Variants in ADAMTSL1 observed in about 807,000 individuals in gnomAD.
The protein encoded by ADAMTSL1 is ADAMTS-like protein 1.
In ADAMTSL1, 126 loss-of-function variants were observed where a neutral mutation model predicts 201.8. The observed-to-expected ratio is 0.62, with a 90% CI of 0.54 to 0.72. The LOEUF is 0.72. Ranked by LOEUF, ADAMTSL1 falls within the 30% of genes least tolerant of loss-of-function variation. ADAMTSL1 has a pLI of 0.00. For synonymous variants in ADAMTSL1, 1,121 were observed against 903.4 expected (o/e 1.24, Z -4.32); for missense variants, 2,679 against 2,277.8 (o/e 1.18, Z -3.59).
intron 1 of ADAMTSL1, among the ~76,000 whole-genome samples, chr9:18,097,287 C>T (rs979771082): frequency 6.6e-6 from 1 of 152,178 alleles, no homozygotes; most frequent in African/African-American, 2.4e-5. Flanking sequence ...GCATATATTA[C>T]AATTTGTTGA....
At chr9:18,195,740 T>C (rs903160766) in intron 2 of ADAMTSL1, among the ~76,000 whole-genome samples, 3 of 152,134 alleles carry the variant, frequency 2.0e-5, no homozygotes, top group Non-Finnish European at 4.4e-5. Context: ...CTATTGGTAA[T>C]GGACATAAGA....
At position 18,650,254 on chromosome 9, in the gene ADAMTSL1, G is replaced by A. The variant is rs143528428; in HGVS notation, c.835-7385G>A. Among the ~76,000 whole-genome samples, 783 of 152,338 alleles carry A rather than the reference G, an allele frequency of 5.1e-3. 9 individuals carry two copies. The highest frequency in any genetic ancestry group is 0.018 in the African/African-American group (741 of 41,584). On this transcript the variant is annotated intron_variant, in intron 7 of 28. Transcript: ENST00000380548. ...CCTAAGCCCATCGGAAAAGTGCAGTGTTTGGGTGGGAGTGACCCGATTTTC... is the reference window on the plus strand; with the variant it reads ...CCTAAGCCCATCGGAAAAGTGCAGTATTTGGGTGGGAGTGACCCGATTTTC...
chr9:18,697,115 C>T (rs1439173060), intron 13 of ADAMTSL1, among the ~76,000 whole-genome samples: 1 of 151,840 alleles, frequency 6.6e-6, no homozygotes, highest in East Asian at 1.9e-4. Context: ...ATCTCTTGAC[C>T]TCGTGATCTG....
intron 1 of ADAMTSL1, among the ~76,000 whole-genome samples, chr9:17,936,788 T>C (rs988427546): frequency 6.6e-6 from 1 of 152,204 alleles, no homozygotes; most frequent in African/African-American, 2.4e-5. Flanking sequence ...GAAATTGGCC[T>C]GCTTTACTCC....
chr9:18,375,258 G>C (rs1443814988), intron 2 of ADAMTSL1, among the ~76,000 whole-genome samples: 1 of 152,212 alleles, frequency 6.6e-6, no homozygotes, highest in African/African-American at 2.4e-5. Flanking sequence ...TTAGAGGAAA[G>C]AGCCAGTCAT....
chr9:18,449,941 G>C (rs1820341925), intron 2 of ADAMTSL1, among the ~76,000 whole-genome samples: 1 of 152,174 alleles, frequency 6.6e-6, no homozygotes, highest in South Asian at 2.1e-4. Flanking sequence ...AAATGGGAGA[G>C]TGCTTCAGAA....
At chr9:18,054,472 T>A (rs965230855) in intron 1 of ADAMTSL1, among the ~76,000 whole-genome samples, 1 of 152,244 alleles carries the variant, frequency 6.6e-6, no homozygotes, top group Non-Finnish European at 1.5e-5. Flanking sequence ...CAGTTTCTGC[T>A]TTTCATTATT....
chr9:18,031,976 C>T (rs12553925), intron 1 of ADAMTSL1, among the ~76,000 whole-genome samples: 5,761 of 152,268 alleles, frequency 0.038, 342 homozygotes, highest in East Asian at 0.32. Flanking sequence ...TTTAGTCCAG[C>T]TGATGACTGT....
chr9:18,264,893 T>G (rs1049631931), intron 2 of ADAMTSL1, among the ~76,000 whole-genome samples: 2 of 152,244 alleles, frequency 1.3e-5, no homozygotes, highest in Non-Finnish European at 2.9e-5. Context: ...CAAGTGACTT[T>G]ACCTTGCCAA....
chr9:18,100,769 A>C (rs1222189956), intron 1 of ADAMTSL1, among the ~76,000 whole-genome samples: 1 of 152,128 alleles, frequency 6.6e-6, no homozygotes, highest in Non-Finnish European at 1.5e-5. Context: ...ATACCTTACC[A>C]GGATCTTGTT....
At position 18,753,419 on chromosome 9, in the gene ADAMTSL1, G is replaced by A. The variant is rs750369044; in HGVS notation, c.2128G>A (p.Glu710Lys). The A allele has an allele frequency of 6.8e-6, 11 of 1,613,230 alleles. No homozygotes were observed. The Admixed American group carries it at 8.3e-5, about 12-fold the overall frequency. The change falls in exon 16 of 29, where the codon GAG becomes AAG. Residue 710 changes from glutamate (E) to lysine (K), a missense_variant. Glu to Lys is a moderately conservative substitution (Grantham distance 56). Coordinates refer to ENST00000380548, the MANE Select transcript of ADAMTSL1 (RefSeq NM_001040272.6). ...EMNETVILAD[E>K]LCRQPKPSTV... ...GAATGAAACAGTCATCCTGGCTGAT[G>A]AGCTGTGTCGCCAGCCCAAGCCCAG...
rs1434901362 is a variant in ADAMTSL1 at position 18,775,790 on chromosome 9, C to T, written c.2445C>T (p.Cys815=). Reference sequence around the variant, plus strand: ...GCACCCAGACTCGAAGCGCCATTTGCCGAAAGATGCTGAAAACCGGCCTCT... The same window carrying T: ...GCACCCAGACTCGAAGCGCCATTTGTCGAAAGATGCTGAAAACCGGCCTCT... ...GEGTQTRSAI[C]RKMLKTGLST... The change falls in exon 18 of 29, where the codon TGC becomes TGT. Residue 815 remains cysteine (C), a synonymous_variant. Coordinates refer to ENST00000380548, the MANE Select transcript of ADAMTSL1 (RefSeq NM_001040272.6). 1 of 1,612,442 alleles carries T rather than the reference C, an allele frequency of 6.2e-7. No individual in the cohort carries two copies. The highest frequency in any genetic ancestry group is 1.1e-5 in the South Asian group (1 of 90,516).
chr9:18,680,625 T>C lies in ADAMTSL1; in HGVS notation c.1341+109T>C. 4.9e-6 allele frequency: 6 copies of C among 1,214,628 alleles called. No homozygotes were observed. In the East Asian group the frequency reaches 1.4e-4, roughly 29 times the overall value. 75.2% of individuals were successfully genotyped at this position (1,214,628 alleles called of 1,614,324 possible). The stretch of plus-strand genomic sequence containing the variant: ...GCAGCTCCACACTCTTCTTGAGGTG[T>C]CTAGAAGCCTACCAGCTTAGCTCCT... On this transcript the variant is annotated intron_variant, in intron 11 of 28. Coordinates refer to ENST00000380548, the MANE Select transcript of ADAMTSL1 (RefSeq NM_001040272.6).
chr9:18,678,764 G>A (rs1830271414), intron 10 of ADAMTSL1, among the ~76,000 whole-genome samples: 1 of 152,096 alleles, frequency 6.6e-6, no homozygotes, highest in Non-Finnish European at 1.5e-5. Context: ...ACATACTTAT[G>A]TATTCAACCC....
chr9:18,728,209 A>G (rs1818013198), intron 15 of ADAMTSL1, among the ~76,000 whole-genome samples: 1 of 152,186 alleles, frequency 6.6e-6, no homozygotes, highest in South Asian at 2.1e-4. Context: ...CTACCTTCCC[A>G]TCATGTCACC....
chr9:18,621,405 G>C (rs984394209), intron 4 of ADAMTSL1, among the ~76,000 whole-genome samples: 5 of 152,110 alleles, frequency 3.3e-5, no homozygotes, highest in African/African-American at 1.2e-4. Flanking sequence ...AAGACTCATG[G>C]CCTCAACTAT....
At chr9:18,179,307 G>A (rs1223934364) in intron 2 of ADAMTSL1, among the ~76,000 whole-genome samples, 10 of 152,134 alleles carry the variant, frequency 6.6e-5, no homozygotes, top group African/African-American at 2.4e-4. Context: ...GAAATGAAGC[G>A]AGAAGGGAAG....
At chr9:18,582,462 C>T (rs1823161332) in intron 4 of ADAMTSL1, among the ~76,000 whole-genome samples, 1 of 152,160 alleles carries the variant, frequency 6.6e-6, no homozygotes, top group Non-Finnish European at 1.5e-5. Flanking sequence ...GTGGGAGGAA[C>T]CCGGTGGGAG....
chr9:18,414,179 C>G (rs1382186955), intron 2 of ADAMTSL1, among the ~76,000 whole-genome samples: 1 of 151,966 alleles, frequency 6.6e-6, no homozygotes, highest in Non-Finnish European at 1.5e-5. Context: ...AATTTTAATT[C>G]TAATTCTTCA....
Sources: allele counts gnomAD v4.1 joint callset (sites outside exome capture counted in the v4.1 genomes callset), GRCh38; gene constraint gnomAD v4.1.1; transcripts MANE v1.5; gene names NCBI Gene and HGNC (gene_info 2026-07-23, HGNC 2026-07-21).